The following FKBP5 variants were observed in gnomAD, a reference collection of about 807,000 sequenced individuals.
FKBP5 encodes the protein FKBP prolyl isomerase 5.
In FKBP5, 23 loss-of-function variants were observed where a neutral mutation model predicts 50.5. That is an observed-to-expected ratio of 0.46 (90% CI 0.33 to 0.65). The LOEUF is 0.65. Among genes scored for constraint, FKBP5 ranks in the 30% least tolerant of loss-of-function variants. The pLI is 0.02. For synonymous variants in FKBP5, 176 were observed against 190.6 expected, an observed-to-expected ratio of 0.92 and a Z score of 0.63; for missense variants, 411 against 553.1, an observed-to-expected ratio of 0.74 and a Z score of 2.58.
At chr6:35,702,151 ATGT>A (rs888244912) in intron 2 of FKBP5, among the ~76,000 whole-genome samples, 2 of 151,688 alleles carry the variant, frequency 1.3e-5, no homozygotes. Context: ...CCTGGCTGGA[ATGT>A]TGTATTTTTA....
intron 2 of FKBP5, among the ~76,000 whole-genome samples, chr6:35,718,963 G>A (rs573912960): frequency 7.7e-4 from 118 of 152,304 alleles, no homozygotes; most frequent in Non-Finnish European, 1.4e-3. Flanking sequence ...GTGCAGTGGG[G>A]AGGGCCTGGA....
intron 5 of FKBP5, among the ~76,000 whole-genome samples, chr6:35,601,838 G>A (rs1470968681): frequency 6.6e-6 from 1 of 151,992 alleles, no homozygotes; most frequent in Non-Finnish European, 1.5e-5. Context: ...GGGCTTTTTT[G>A]GTAGAGAAAG....
chr6:35,599,465 G>T (rs554777347), intron 5 of FKBP5, among the ~76,000 whole-genome samples: 1 of 152,140 alleles, frequency 6.6e-6, no homozygotes, highest in Non-Finnish European at 1.5e-5. Context: ...GCTCTAAAGC[G>T]TTCTACCCTT....
intron 1 of FKBP5, among the ~76,000 whole-genome samples, chr6:35,671,426 TAAAAG>T (rs925565520): frequency 6.6e-6 from 1 of 152,052 alleles, no homozygotes; most frequent in Admixed American, 6.5e-5. Context: ...ACACATTTTA[TAAAAG>T]AAAAGACAGC....
chr6:35,719,912 G>C (rs1020853747), intron 2 of FKBP5, among the ~76,000 whole-genome samples: 2 of 152,190 alleles, frequency 1.3e-5, no homozygotes, highest in Admixed American at 1.3e-4. Flanking sequence ...TGAGGGGTGG[G>C]GGTTGTCCCT....
intron 6 of FKBP5, 107 bp downstream of exon 6, chr6:35,597,141 G>A (rs1275363173): frequency 1.3e-5 from 15 of 1,194,746 alleles, no homozygotes; most frequent in East Asian, 2.4e-5. Context: ...AATTGTTTCC[G>A]TTGTTGGATT....
chr6:35,702,841 T>G (rs1766215079), intron 2 of FKBP5, among the ~76,000 whole-genome samples: 1 of 152,126 alleles, frequency 6.6e-6, no homozygotes, highest in Non-Finnish European at 1.5e-5. Flanking sequence ...TCTAACATTA[T>G]TAGAACACAT....
At chr6:35,657,389 T>G (rs967885010) in intron 1 of FKBP5, among the ~76,000 whole-genome samples, 1 of 152,202 alleles carries the variant, frequency 6.6e-6, no homozygotes, top group South Asian at 2.1e-4. Flanking sequence ...ACTCATCTCC[T>G]GGCTTTTTCC....
chr6:35,728,193 GT>G (rs774698725), intron 1 of FKBP5, among the ~76,000 whole-genome samples: 41 of 152,222 alleles, frequency 2.7e-4, no homozygotes, highest in Non-Finnish European at 4.7e-4. Context: ...GTAAGTGGGT[GT>G]GCTCGCTCAC....
intron 1 of FKBP5, among the ~76,000 whole-genome samples, chr6:35,683,470 C>CTT (rs537285096): frequency 6.9e-6 from 1 of 144,562 alleles, no homozygotes; most frequent in African/African-American, 2.5e-5. Flanking sequence ...TATATATATA[C>CTT]TTTTTTTTTT....
At chr6:35,625,639 G>A (rs1763972481) in intron 3 of FKBP5, among the ~76,000 whole-genome samples, 5 of 150,046 alleles carry the variant, frequency 3.3e-5, no homozygotes, top group Admixed American at 6.6e-5. Flanking sequence ...GGGAGGCTGA[G>A]GCAGGAGAAT....
intron 1 of FKBP5, among the ~76,000 whole-genome samples, chr6:35,671,263 C>G (rs1246858040): frequency 7.8e-6 from 1 of 128,948 alleles, no homozygotes; most frequent in South Asian, 2.4e-4. Context: ...AATCCTGTCT[C>G]AAAAAAAAAA....
chr6:35,713,951 A>G (rs57599664), intron 2 of FKBP5, among the ~76,000 whole-genome samples: 5,155 of 151,954 alleles, frequency 0.034, 172 homozygotes, highest in African/African-American at 0.087. Flanking sequence ...GAAATCCCTC[A>G]CAGACATCCC....
At chr6:35,691,890 C>A (rs565182985), upstream of FKBP5, among the ~76,000 whole-genome samples, 6 of 152,112 alleles carry the variant, frequency 3.9e-5, no homozygotes, top group Non-Finnish European at 8.8e-5. Flanking sequence ...GTACACAGGG[C>A]CGTGTACTTA....
Position 35,577,129 on chromosome 6 carries a change from C to T in FKBP5, c.1131G>A (p.Val377=). Residue 377 remains valine, a synonymous_variant, in exon 10 of 11, where the codon GTG becomes GTA. Coordinates refer to ENST00000357266, the MANE Select transcript of FKBP5 (RefSeq NM_004117.4). Reference sequence around the variant, plus strand: ...CCTTATTCTGGGGGTTTACTTCCAGCACTTTCTCAAAGTCACCCTTGGCTG... The same window carrying T: ...CCTTATTCTGGGGGTTTACTTCCAGTACTTTCTCAAAGTCACCCTTGGCTG... ...FESAKGDFEK[V]LEVNPQNKAA... 6.2e-7 allele frequency: 1 copy of T among 1,614,198 alleles called. No homozygotes were observed.
In FKBP5 at chr6:35,575,329, T is replaced by G. The variant is rs1762178554; in HGVS notation, c.*506A>C. 1 of 154,286 alleles carries G rather than the reference T, an allele frequency of 6.5e-6. No homozygotes were observed. Among genetic ancestry groups the G allele is most frequent in the Non-Finnish European group, 1.4e-5 (1 of 69,078 alleles). The allele number at this position is 154,286 out of a possible 1,614,324, so 9.6% of individuals were successfully genotyped here. ...TGAGACCCCTCTACTGTGGGTTCTG[T>G]TGGTTAAAAATGCAACAGACTACAT... On this transcript the variant is annotated 3_prime_UTR_variant, in exon 11 of 11. Coordinates refer to ENST00000357266, the MANE Select transcript of FKBP5 (RefSeq NM_004117.4).
chr6:35,599,494 T>C (rs1763081160), intron 5 of FKBP5, among the ~76,000 whole-genome samples: 1 of 152,222 alleles, frequency 6.6e-6, no homozygotes, highest in Non-Finnish European at 1.5e-5. Flanking sequence ...TTTTTTCGAT[T>C]TGCTAAATCT....
chr6:35,657,137 C>T (rs1459855563), intron 1 of FKBP5, among the ~76,000 whole-genome samples: 1 of 152,008 alleles, frequency 6.6e-6, no homozygotes, highest in Non-Finnish European at 1.5e-5. Context: ...ATGGCGTGAA[C>T]CCGGGAGGCG....
chr6:35,684,523 G>A (rs1049172135), intron 1 of FKBP5, among the ~76,000 whole-genome samples: 4 of 152,032 alleles, frequency 2.6e-5, no homozygotes, highest in Non-Finnish European at 5.9e-5. Flanking sequence ...CCTTGATTTT[G>A]ATAACAAAAA....
Sources: gnomAD v4.1 joint callset for allele counts (sites outside exome capture counted in the v4.1 genomes callset) on GRCh38, gnomAD v4.1.1 for gene constraint, MANE v1.5 for transcripts, NCBI Gene and HGNC (gene_info 2026-07-23, HGNC 2026-07-21) for gene names.